The following EPB41L3 variants were observed in gnomAD, a reference collection of about 807,000 sequenced individuals.
The protein encoded by EPB41L3 is band 4.1-like protein 3.
In EPB41L3, 57 loss-of-function variants were observed where a neutral mutation model predicts 127.1. That is an observed-to-expected ratio of 0.45 (90% CI 0.36 to 0.56). EPB41L3 has a LOEUF of 0.56. Among genes scored for constraint, EPB41L3 ranks in the 20% least tolerant of loss-of-function variants. The pLI is 0.00. For missense variants in EPB41L3, 1,273 were observed against 1,372.2 expected, an observed-to-expected ratio of 0.93 and a Z score of 1.14; for synonymous variants, 572 against 549.5, an observed-to-expected ratio of 1.04 and a Z score of -0.57.
chr18:5,516,858 A>C (rs1345311023), intron 1 of EPB41L3, among the ~76,000 whole-genome samples: 1 of 152,264 alleles, frequency 6.6e-6, no homozygotes, highest in Non-Finnish European at 1.5e-5. Context: ...ATTATATTCC[A>C]AAACATTACT....
chr18:5,541,342 T>A lies in EPB41L3; in HGVS notation c.-12+2571A>T, dbSNP rs2093725331. Among the ~76,000 whole-genome samples, 6 of 150,466 alleles carry A rather than the reference T, an allele frequency of 4.0e-5. No individual in the cohort carries two copies. The South Asian group carries it at 1.3e-3, about 32-fold the overall frequency. Reference sequence around the variant, plus strand: ...AGGAAACATTTATTCTTCAGTCTACTCTTGGAGTTCTATTTTACTGGAGTG... The same window carrying A: ...AGGAAACATTTATTCTTCAGTCTACACTTGGAGTTCTATTTTACTGGAGTG... On this transcript the variant is annotated intron_variant, in intron 1 of 22. Coordinates refer to ENST00000341928, the MANE Select transcript of EPB41L3 (RefSeq NM_012307.5).
chr18:5,447,366 C>T (rs2081619700), intron 3 of EPB41L3, among the ~76,000 whole-genome samples: 1 of 150,836 alleles, frequency 6.6e-6, no homozygotes, highest in Non-Finnish European at 1.5e-5. Context: ...CTGGTGGTGC[C>T]AATAAGCAGC....
chr18:5,395,186 T>C (rs2073156024), intron 20 of EPB41L3, 39 bp from the exon 21 acceptor site: 1 of 1,561,032 alleles, frequency 6.4e-7, no homozygotes, highest in Non-Finnish European at 8.8e-7. Context: ...ATTTACTCAC[T>C]GGGAGAAACC....
intron 3 of EPB41L3, among the ~76,000 whole-genome samples, chr18:5,573,199 T>A (rs2094301815): frequency 6.6e-6 from 1 of 152,226 alleles, no homozygotes; most frequent in South Asian, 2.1e-4. Context: ...AATGCATATT[T>A]ATGAAGCAGT....
At chr18:5,622,651 A>C (rs566612187) in intron 1 of EPB41L3, among the ~76,000 whole-genome samples, 1 of 152,330 alleles carries the variant, frequency 6.6e-6, no homozygotes, top group Non-Finnish European at 1.5e-5. Flanking sequence ...CCAACGTTCA[A>C]AGAGACAACT....
chr18:5,394,847 T>C (rs1210919651), intron 21 of EPB41L3, 54 bp from the exon 22 acceptor site: 4 of 1,525,442 alleles, frequency 2.6e-6, no homozygotes, highest in Non-Finnish European at 3.6e-6. Flanking sequence ...GGAACATGCA[T>C]GATCAGTGGT....
At chr18:5,602,515 G>A (rs1568632249) in intron 3 of EPB41L3, among the ~76,000 whole-genome samples, 3 of 152,146 alleles carry the variant, frequency 2.0e-5, no homozygotes, top group Non-Finnish European at 2.9e-5. Flanking sequence ...ATGCATCATA[G>A]CTCACCGTAG....
chr18:5,603,888 G>C (rs1193013718), intron 3 of EPB41L3, among the ~76,000 whole-genome samples: 1 of 151,942 alleles, frequency 6.6e-6, no homozygotes, highest in African/African-American at 2.4e-5. Flanking sequence ...TAAAAAAAAA[G>C]TTGAATGAGA....
chr18:5,443,900 T>C lies in EPB41L3; in HGVS notation c.487-20A>G, dbSNP rs1306510047. Reference sequence around the variant, plus strand: ...CCAATTCTGAAAAGGAAATGACATTTTGAATTTGAATCAGAGGAGAATAAA... The same window carrying C: ...CCAATTCTGAAAAGGAAATGACATTCTGAATTTGAATCAGAGGAGAATAAA... On this transcript the variant is annotated intron_variant, in intron 4 of 22. Transcript: ENST00000341928. The C allele has an allele frequency of 6.9e-6, 11 of 1,599,560 alleles. No individual in the cohort carries two copies. The highest frequency in any genetic ancestry group is 5.6e-5 in the South Asian group (5 of 89,272).
At chr18:5,460,352 A>C (rs941772014) in intron 3 of EPB41L3, among the ~76,000 whole-genome samples, 14 of 152,098 alleles carry the variant, frequency 9.2e-5, no homozygotes, top group African/African-American at 3.4e-4. Flanking sequence ...CCCACCATCT[A>C]AACTTGTTAG....
At chr18:5,482,437 C>G (rs1987083) in intron 2 of EPB41L3, among the ~76,000 whole-genome samples, 32,930 of 152,098 alleles carry the variant, frequency 0.22, 4,390 homozygotes, top group East Asian at 0.44. Context: ...GGGTAGAAAG[C>G]ATATTCAAAG....
At chr18:5,611,501 G>A (rs1568645349) in intron 3 of EPB41L3, among the ~76,000 whole-genome samples, 1 of 152,174 alleles carries the variant, frequency 6.6e-6, no homozygotes, top group Admixed American at 6.5e-5. Context: ...AATGTGTAGA[G>A]TTTCAGTTTC....
chr18:5,610,949 G>T (rs531554066), intron 3 of EPB41L3, among the ~76,000 whole-genome samples: 1 of 152,276 alleles, frequency 6.6e-6, no homozygotes, highest in East Asian at 1.9e-4. Context: ...ATATTGTCAA[G>T]TAGATGGAAC....
intron 3 of EPB41L3, among the ~76,000 whole-genome samples, chr18:5,553,468 C>T (rs757597448): frequency 4.3e-4 from 66 of 152,156 alleles, no homozygotes; most frequent in Non-Finnish European, 8.8e-4. Flanking sequence ...TGCCCCTACA[C>T]AATTACATAA....
chr18:5,599,519 T>A (rs555983926), intron 3 of EPB41L3, among the ~76,000 whole-genome samples: 1 of 152,296 alleles, frequency 6.6e-6, no homozygotes, highest in Non-Finnish European at 1.5e-5. Flanking sequence ...TGGGGCCTGG[T>A]AGGAGGTGAC....
intron 3 of EPB41L3, among the ~76,000 whole-genome samples, chr18:5,553,193 G>A (rs909767153): frequency 7.9e-5 from 12 of 152,294 alleles, no homozygotes; most frequent in African/African-American, 2.2e-4. Context: ...TAAGGCAACC[G>A]CTAATAAAAT....
chr18:5,621,109 G>A (rs566636677), intron 1 of EPB41L3, among the ~76,000 whole-genome samples: 23 of 152,088 alleles, frequency 1.5e-4, no homozygotes, highest in African/African-American at 3.9e-4. Context: ...CTCACTTCCC[G>A]GCAGTCCTAG....
intron 1 of EPB41L3, among the ~76,000 whole-genome samples, chr18:5,525,575 A>C (rs1440604007): frequency 1.3e-5 from 2 of 152,228 alleles, no homozygotes; most frequent in African/African-American, 2.4e-5. Context: ...TGTAGAGATT[A>C]TATAAATTTA....
chr18:5,607,605 G>T (rs1206895408), intron 3 of EPB41L3, among the ~76,000 whole-genome samples: 1 of 152,058 alleles, frequency 6.6e-6, no homozygotes, highest in African/African-American at 2.4e-5. Flanking sequence ...CAGGTACAAG[G>T]GTTTGTCTGG....
Sources: allele counts gnomAD v4.1 joint callset (sites outside exome capture counted in the v4.1 genomes callset), GRCh38; gene constraint gnomAD v4.1.1; transcripts MANE v1.5; gene names NCBI Gene and HGNC (gene_info 2026-07-23, HGNC 2026-07-21).